CCDC150: variants seen among roughly 807,000 people sequenced by gnomAD.
The protein encoded by CCDC150 is coiled-coil domain-containing protein 150.
CCDC150 carries 151 observed loss-of-function variants against 156.5 expected under a neutral mutation model. The observed-to-expected ratio is 0.97, with a 90% CI of 0.85 to 1.10. The LOEUF is 1.10. Among genes scored for constraint, CCDC150 ranks in the 50% least tolerant of loss-of-function variants. The pLI, the probability that CCDC150 is intolerant of heterozygous loss-of-function variation, is 0.00. For missense variants in CCDC150, 1,312 were observed against 1,268.1 expected (o/e 1.03, Z -0.53); for synonymous variants, 452 against 429.4 (o/e 1.05, Z -0.65).
intron 10 of CCDC150, among the ~76,000 whole-genome samples, 170 bp from the exon 11 acceptor site, chr2:196,675,973 A>T (rs1694473570): frequency 6.6e-6 from 1 of 152,198 alleles, no homozygotes; most frequent in African/African-American, 2.4e-5. Flanking sequence ...TCAGAGGAGG[A>T]CAAAGAGAAA....
At chr2:196,675,677 C>T (rs1416701694) in intron 10 of CCDC150, among the ~76,000 whole-genome samples, 1 of 152,048 alleles carries the variant, frequency 6.6e-6, no homozygotes, top group Admixed American at 6.6e-5. Context: ...TAAAAGAATT[C>T]ACAGCAAACT....
chr2:196,680,549 G>T (rs1234696959), intron 13 of CCDC150, among the ~76,000 whole-genome samples: 1 of 152,020 alleles, frequency 6.6e-6, no homozygotes, highest in Admixed American at 6.6e-5. Flanking sequence ...AATCTGCCCA[G>T]ATATCTCAGC....
At chr2:196,729,702 T>C (rs1698421411) in intron 23 of CCDC150, 91 bp from the exon 24 acceptor site, 11 of 865,110 alleles carry the variant, frequency 1.3e-5, no homozygotes, top group South Asian at 1.8e-5. Flanking sequence ...TTGGGTCTCA[T>C]ATTGGATTCT....
intron 5 of CCDC150, 96 bp downstream of exon 5, chr2:196,658,956 AT>A (rs1157100907): frequency 7.3e-6 from 6 of 819,986 alleles, no homozygotes; most frequent in Middle Eastern, 2.3e-4. Flanking sequence ...GAAGAAGAAA[AT>A]ATGTGACTAT....
chr2:196,686,584 C>T (rs963818838), intron 13 of CCDC150, among the ~76,000 whole-genome samples: 1 of 151,232 alleles, frequency 6.6e-6, no homozygotes, highest in African/African-American at 2.4e-5. Context: ...GTTTTGTTGT[C>T]GTGCAATAGA....
At chr2:196,693,696 A>G (rs542525389) in intron 13 of CCDC150, among the ~76,000 whole-genome samples, 74 of 152,282 alleles carry the variant, frequency 4.9e-4, no homozygotes, top group East Asian at 1.4e-3. Flanking sequence ...AGGAGCGGTG[A>G]AAGTGGATAC....
At chr2:196,696,937 T>A (rs1241234597) in intron 14 of CCDC150, among the ~76,000 whole-genome samples, 1 of 152,256 alleles carries the variant, frequency 6.6e-6, no homozygotes, top group Non-Finnish European at 1.5e-5. Context: ...AACCTCCATT[T>A]ACTGTGTGAC....
intron 13 of CCDC150, chr2:196,686,157 A>G (rs1256072419): frequency 1.1e-5 from 3 of 262,820 alleles, no homozygotes; most frequent in Non-Finnish European, 1.5e-5. Flanking sequence ...TGCATTTCTG[A>G]TATCACATGA....
intron 13 of CCDC150, among the ~76,000 whole-genome samples, chr2:196,693,376 A>G (rs546778146): frequency 6.6e-6 from 1 of 152,282 alleles, no homozygotes; most frequent in African/African-American, 2.4e-5. Context: ...TCTTAGACAT[A>G]TTTTGTTAGA....
At chr2:196,663,089 A>G (rs183076164) in intron 5 of CCDC150, among the ~76,000 whole-genome samples, 64 of 152,046 alleles carry the variant, frequency 4.2e-4, no homozygotes, top group East Asian at 3.7e-3. Context: ...AATTTTTTAA[A>G]TTAGCTGGGC....
At position 196,720,600 on chromosome 2, in the gene CCDC150, A is replaced by G; in HGVS notation, c.2191A>G (p.Lys731Glu). Residue 731 changes from lysine (K) to glutamate (E), a missense_variant, in exon 20 of 28, where the codon AAG becomes GAG. Lys to Glu is a moderately conservative substitution (Grantham distance 56). Transcript: ENST00000389175. ...GGATCTCAATCAACAGAGGGTGCAGAAGCTGGAAGCTGAAGTGGACCAGTG... is the reference window on the plus strand; with the variant it reads ...GGATCTCAATCAACAGAGGGTGCAGGAGCTGGAAGCTGAAGTGGACCAGTG... ...ERDLNQQRVQ[K>E]LEAEVDQWQA... The G allele has an allele frequency of 6.2e-7, 1 of 1,613,900 alleles. No individual in the cohort carries two copies. Among genetic ancestry groups the G allele is most frequent in the Admixed American group, 1.7e-5 (1 of 60,010 alleles).
intron 14 of CCDC150, among the ~76,000 whole-genome samples, chr2:196,697,763 G>A (rs1393263922): frequency 6.6e-6 from 1 of 152,058 alleles, no homozygotes; most frequent in Non-Finnish European, 1.5e-5. Flanking sequence ...GTATCCTACT[G>A]GTTTTGTGTA....
At chr2:196,678,942 G>C (rs1429758875) in intron 13 of CCDC150, among the ~76,000 whole-genome samples, 1 of 152,106 alleles carries the variant, frequency 6.6e-6, no homozygotes, top group East Asian at 1.9e-4. Context: ...CAAATGCTGT[G>C]AATATGTTTG....
intron 15 of CCDC150, among the ~76,000 whole-genome samples, chr2:196,709,832 C>G (rs1696965689): frequency 6.6e-6 from 1 of 152,180 alleles, no homozygotes; most frequent in Non-Finnish European, 1.5e-5. Context: ...GGTATCACCA[C>G]CGGAGGCTGC....
intron 2 of CCDC150, among the ~76,000 whole-genome samples, chr2:196,649,615 A>G (rs1181203455): frequency 6.6e-6 from 1 of 152,216 alleles, no homozygotes; most frequent in Non-Finnish European, 1.5e-5. Flanking sequence ...AACAACACAT[A>G]TCTCAGAATG....
intron 13 of CCDC150, among the ~76,000 whole-genome samples, chr2:196,685,889 T>C (rs1367012027): frequency 6.6e-6 from 1 of 152,080 alleles, no homozygotes; most frequent in African/African-American, 2.4e-5. Flanking sequence ...GCTGGGATTA[T>C]AGGTGTGAGC....
chr2:196,650,752 T>C (rs1490475798), intron 2 of CCDC150, among the ~76,000 whole-genome samples: 1 of 152,230 alleles, frequency 6.6e-6, no homozygotes, highest in Non-Finnish European at 1.5e-5. Context: ...GTAATTTTCT[T>C]TTCTTTTAGT....
chr2:196,715,952 C>T (rs565063293), intron 17 of CCDC150, among the ~76,000 whole-genome samples: 9 of 152,248 alleles, frequency 5.9e-5, no homozygotes, highest in Non-Finnish European at 8.8e-5. Flanking sequence ...ATTTGCAAAT[C>T]ACATATCTGA....
intron 15 of CCDC150, among the ~76,000 whole-genome samples, chr2:196,703,894 G>A (rs951347852): frequency 1.3e-5 from 2 of 152,188 alleles, no homozygotes; most frequent in African/African-American, 4.8e-5. Flanking sequence ...AAGAGTTTAA[G>A]ATTTTTGATA....
Sources: allele counts gnomAD v4.1 joint callset (sites outside exome capture counted in the v4.1 genomes callset), GRCh38; gene constraint gnomAD v4.1.1; transcripts MANE v1.5; gene names NCBI Gene and HGNC (gene_info 2026-07-23, HGNC 2026-07-21).